Variants in ACSF3 observed in about 807,000 individuals in gnomAD.
ACSF3 encodes malonate--CoA ligase ACSF3, mitochondrial.
ACSF3 carries 78 observed loss-of-function variants against 53.2 expected under a neutral mutation model. The observed-to-expected ratio is 1.47, with a 90% CI of 1.22 to 1.77. The LOEUF is 1.77. Among genes scored for constraint, ACSF3 ranks in the 40% most tolerant of loss-of-function variants. The pLI is 0.00. For synonymous variants in ACSF3, 414 were observed against 333.1 expected (o/e 1.24, Z -2.65); for missense variants, 937 against 771.1 (o/e 1.22, Z -2.55).
At chr16:89,101,671 G>A (rs974758993) in intron 3 of ACSF3, among the ~76,000 whole-genome samples, 3 of 152,316 alleles carry the variant, frequency 2.0e-5, no homozygotes, top group South Asian at 2.1e-4. Flanking sequence ...GGCCAGCCAC[G>A]TGTTAGGATG....
chr16:89,103,965 C>T (rs895134107), intron 4 of ACSF3, among the ~76,000 whole-genome samples: 4 of 152,180 alleles, frequency 2.6e-5, no homozygotes, highest in Admixed American at 2.6e-4. Flanking sequence ...GGGCTCGAGG[C>T]GGGACCCTGT....
chr16:89,098,562 G>A (rs1567680162), intron 1 of ACSF3, 29 bp from the exon 2 acceptor site: 1 of 440,328 alleles, frequency 2.3e-6, no homozygotes, highest in Non-Finnish European at 4.6e-6. Flanking sequence ...CACACAGCCT[G>A]GGACCTCAGC....
chr16:89,144,313 T>C (rs1325924992), intron 8 of ACSF3, among the ~76,000 whole-genome samples: 1 of 152,256 alleles, frequency 6.6e-6, no homozygotes, highest in African/African-American at 2.4e-5. Flanking sequence ...AAGGGCCACG[T>C]CGTGGCTTTG....
In ACSF3 at chr16:89,145,914, C is replaced by T. The variant is rs534674351; in HGVS notation, c.1502-24C>T. The T allele has an allele frequency of 9.4e-6, 15 of 1,602,648 alleles. 1 individual carries two copies. The highest frequency in any genetic ancestry group is 1.7e-4 in the Middle Eastern group (1 of 6,040). On this transcript the variant is annotated intron_variant, in intron 9 of 10. Coordinates refer to ENST00000614302, the MANE Select transcript of ACSF3 (RefSeq NM_001243279.3). ...AGGGTCACTGAGGCATCCCCATGTTCTCAAACTGTTCTTCTATCCGCAGAT... is the reference window on the plus strand; with the variant it reads ...AGGGTCACTGAGGCATCCCCATGTTTTCAAACTGTTCTTCTATCCGCAGAT...
At chr16:89,107,336 C>T (rs1019809330) in intron 4 of ACSF3, among the ~76,000 whole-genome samples, 1 of 152,200 alleles carries the variant, frequency 6.6e-6, no homozygotes, top group Non-Finnish European at 1.5e-5. Context: ...GCTCCCTGCC[C>T]CTCAGCCTTG....
intron 10 of ACSF3, chr16:89,153,823 G>T: frequency 1.9e-6 from 1 of 517,588 alleles, no homozygotes; most frequent in Non-Finnish European, 3.5e-6. Flanking sequence ...ATCCTCAGGT[G>T]TGCCCTCGCC....
chr16:89,134,224 G>A (rs1909948810), intron 8 of ACSF3, among the ~76,000 whole-genome samples: 1 of 152,204 alleles, frequency 6.6e-6, no homozygotes, highest in Admixed American at 6.5e-5. Flanking sequence ...CTCTGACCTG[G>A]GGTTCTTGGC....
intron 6 of ACSF3, among the ~76,000 whole-genome samples, chr16:89,115,528 G>C (rs948945101): frequency 6.6e-6 from 1 of 152,254 alleles, no homozygotes; most frequent in Admixed American, 6.5e-5. Context: ...TCCGTGGTGT[G>C]GGTGCGGCAC....
In ACSF3 at chr16:89,112,170, A is replaced by G. The variant is rs1378555003; in HGVS notation, c.901A>G (p.Met301Val). 10 of 1,614,262 alleles carry G rather than the reference A, an allele frequency of 6.2e-6. No homozygotes were observed. The East Asian group carries it at 2.2e-4, about 36-fold the overall frequency. Reference sequence around the variant, plus strand: ...AGTGCCTACAATATACACCAAGCTGATGGAGTACTACGACAGGCATTTTAC... The same window carrying G: ...AGTGCCTACAATATACACCAAGCTGGTGGAGTACTACGACAGGCATTTTAC... Reference protein sequence around the residue: ...MAVPTIYTKLMEYYDRHFTQP... With the variant: ...MAVPTIYTKLVEYYDRHFTQP... Residue 301 changes from methionine (M) to valine (V), a missense_variant, in exon 5 of 11, where the codon ATG becomes GTG. Coordinates refer to ENST00000614302, the MANE Select transcript of ACSF3 (RefSeq NM_001243279.3).
In ACSF3 at chr16:89,155,123, C is replaced by T. The variant is rs35730151; in HGVS notation, c.*916C>T. The T allele has an allele frequency of 2.4e-3, 1,076 of 454,152 alleles. 2 individuals carry two copies. Among genetic ancestry groups the T allele is most frequent in the Non-Finnish European group, 3.7e-3 (833 of 226,806 alleles). 28.1% of individuals were successfully genotyped at this position (454,152 alleles called of 1,614,324 possible). On this transcript the variant is annotated 3_prime_UTR_variant, in exon 11 of 11. Transcript: ENST00000614302. ...GTTGGGTGCACCCACGTTGCATTTACTTAGCGGGGCCAATTCAGATGCACA... is the reference window on the plus strand; with the variant it reads ...GTTGGGTGCACCCACGTTGCATTTATTTAGCGGGGCCAATTCAGATGCACA...
At chr16:89,126,658 AGTT>A (rs944775728) in intron 7 of ACSF3, among the ~76,000 whole-genome samples, 3 of 152,352 alleles carry the variant, frequency 2.0e-5, no homozygotes, top group African/African-American at 7.2e-5. Flanking sequence ...CAAATACTTT[AGTT>A]GTTACCTTGC....
intron 6 of ACSF3, among the ~76,000 whole-genome samples, chr16:89,120,063 C>G (rs1289102508): frequency 2.0e-5 from 3 of 152,380 alleles, no homozygotes; most frequent in Admixed American, 2.0e-4. Context: ...CATGAGCAGC[C>G]TCTGCCGTCC....
Position 89,154,906 on chromosome 16 carries a change from G to GGTGGT in ACSF3, c.*700_*701insTGGTG, listed in dbSNP as rs1390224426. ...GACCCTGCCTCACCCCCCAGCGCAG[G>GGTGGT]GACTTTCCAGGTCATCTCCACACCA... On this transcript the variant is annotated 3_prime_UTR_variant, in exon 11 of 11. Coordinates refer to ENST00000614302, the MANE Select transcript of ACSF3 (RefSeq NM_001243279.3). The GGTGGT allele has an allele frequency of 2.4e-5, 11 of 453,896 alleles. No homozygotes were observed. Among genetic ancestry groups the GGTGGT allele is most frequent in the Non-Finnish European group, 4.4e-5 (10 of 226,790 alleles). The allele number at this position is 453,896 out of a possible 1,614,324, so 28.1% of individuals were successfully genotyped here.
chr16:89,099,205 C>T (rs564416376), intron 2 of ACSF3, among the ~76,000 whole-genome samples: 43 of 152,356 alleles, frequency 2.8e-4, no homozygotes, highest in African/African-American at 1.0e-3. Flanking sequence ...GGCGGTGTCC[C>T]GTGGGCAGTG....
intron 8 of ACSF3, among the ~76,000 whole-genome samples, chr16:89,140,272 G>A (rs1911490359): frequency 6.6e-6 from 1 of 152,226 alleles, no homozygotes; most frequent in African/African-American, 2.4e-5. Context: ...CCCCTGGCCA[G>A]GTGCCCCGGG....
chr16:89,100,922 G>T lies in ACSF3; in HGVS notation c.241G>T (p.Glu81Ter). 2 of 1,613,884 alleles carry T rather than the reference G, an allele frequency of 1.2e-6. No homozygotes were observed. Among genetic ancestry groups the T allele is most frequent in the Admixed American group, 1.7e-5 (1 of 60,032 alleles). ...TTCCCGCAGCCTTCGCCTGTCCCAG[G>T]AGATCTGCAGGCTCTGCGGGTGTGT... ...LYSRSLRLSQ[E>*]ICRLCGCVGG... is the part of the protein sequence containing the mutation. Residue 81 changes from glutamate (E) to a stop codon, truncating the protein, a stop_gained, in exon 3 of 11, where the codon GAG (glutamate) becomes TAG (stop). Transcript: ENST00000614302. LOFTEE classifies it high-confidence loss of function.
rs1318613202 is a variant in ACSF3 at position 89,155,008 on chromosome 16, T to C, written c.*801T>C. 6.6e-6 allele frequency: 3 copies of C among 454,052 alleles called. No homozygotes were observed. The East Asian group carries it at 2.1e-4, about 32-fold the overall frequency. The allele number at this position is 454,052 out of a possible 1,614,324, so 28.1% of individuals were successfully genotyped here. A position where few individuals can be genotyped will look rare whatever the true frequency, so the allele number is the denominator to read the frequency against. On this transcript the variant is annotated 3_prime_UTR_variant, in exon 11 of 11. Coordinates refer to ENST00000614302, the MANE Select transcript of ACSF3 (RefSeq NM_001243279.3). Reference sequence around the variant, plus strand: ...CACCTGCCCCATGGCCCCCATTTCATGTCTGTGGCTCACCAGCTTTTCCCC... The same window carrying C: ...CACCTGCCCCATGGCCCCCATTTCACGTCTGTGGCTCACCAGCTTTTCCCC...
chr16:89,108,818 A>G (rs951164353), intron 4 of ACSF3, among the ~76,000 whole-genome samples: 13 of 152,232 alleles, frequency 8.5e-5, no homozygotes, highest in Non-Finnish European at 1.8e-4. Context: ...TGGAGCTATT[A>G]TGAATAATGC....
intron 8 of ACSF3, among the ~76,000 whole-genome samples, chr16:89,137,352 C>T (rs549318003): frequency 5.0e-3 from 723 of 144,628 alleles, no homozygotes; most frequent in Non-Finnish European, 7.5e-3. Context: ...CTCGGGAGGA[C>T]CACCAGGAGC....
Sources: gnomAD v4.1 joint callset for allele counts (sites outside exome capture counted in the v4.1 genomes callset) on GRCh38, gnomAD v4.1.1 for gene constraint, MANE v1.5 for transcripts, NCBI Gene and HGNC (gene_info 2026-07-23, HGNC 2026-07-21) for gene names.